Variants in SLC9A7 observed in about 807,000 individuals in gnomAD.
SLC9A7 encodes solute carrier family 9 member A7, also known as sodium/hydrogen exchanger 7.
In SLC9A7, 19 loss-of-function variants were observed where a neutral mutation model predicts 52.6. The observed-to-expected ratio is 0.36, with a 90% confidence interval of 0.25 to 0.53. The LOEUF (loss-of-function observed/expected upper bound fraction) is 0.53. Ranked by LOEUF, SLC9A7 falls within the 20% of genes least tolerant of loss-of-function variation. The pLI is 0.91. For synonymous variants in SLC9A7, 226 were observed against 252.1 expected, an observed-to-expected ratio of 0.90 and a Z score of 0.98; for missense variants, 455 against 597.9, an observed-to-expected ratio of 0.76 and a Z score of 2.49.
intron 11 of SLC9A7, among the ~76,000 whole-genome samples, chrX:46,647,628 G>C (rs1943514887): frequency 8.9e-6 from 1 of 112,880 alleles, no homozygotes; most frequent in Admixed American, 9.3e-5. Flanking sequence ...CGGACTGTGA[G>C]CTCCATGAAG....
intron 3 of SLC9A7, among the ~76,000 whole-genome samples, chrX:46,672,973 C>G (rs1022370695): frequency 8.0e-5 from 9 of 112,095 alleles, no homozygotes; most frequent in African/African-American, 2.9e-4. Flanking sequence ...AACCATTTTA[C>G]TCAGTGATAC....
At chrX:46,684,395 G>C (rs1358365513) in intron 1 of SLC9A7, among the ~76,000 whole-genome samples, 1 of 111,154 alleles carries the variant, frequency 9.0e-6, no homozygotes, top group Non-Finnish European at 1.9e-5. Context: ...AGTAGAGACG[G>C]GGTTTCACCA....
rs893153877 is a variant in SLC9A7 at position 46,599,938 on chromosome X, A to C, written c.*7014T>G. The C allele has an allele frequency of 1.8e-5, 2 of 112,091 alleles. No homozygotes were observed. The highest frequency in any genetic ancestry group is 9.5e-5 in the Admixed American group (1 of 10,525). 9.2% of individuals were successfully genotyped at this position (112,091 alleles called of 1,213,427 possible). The stretch of plus-strand genomic sequence containing the variant: ...AAGTTGCTTTTCAGCTATTAAATGA[A>C]TCTTTATGGCCTTCTCATTTAACCA... On this transcript the variant is annotated 3_prime_UTR_variant, in exon 17 of 17. Transcript: ENST00000616978.
Position 46,651,154 on chromosome X carries a change from A to T in SLC9A7, c.1306T>A (p.Phe436Ile). ...FSYMGLALFT[F>I]QKHVFSPIFI... ...ATGGGGCTGAAAACGTGCTTCTGGA[A>T]GGTAAACAGTGCCAGGCCCATGTAG... Residue 436 changes from phenylalanine (F) to isoleucine (I), a missense_variant, in exon 10 of 17, where the codon TTC becomes ATC. Phe to Ile is a conservative substitution (Grantham distance 21). Around this residue, in one of 3 missense-constraint regions of SLC9A7, gnomAD observed 304 missense variants for 417.8 expected, o/e 0.73. Transcript: ENST00000616978. 8.3e-7 allele frequency: 1 copy of T among 1,210,485 alleles called. No individual in the cohort carries two copies. Among genetic ancestry groups the T allele is most frequent in the Non-Finnish European group, 1.1e-6 (1 of 894,627 alleles).
rs772400694 is a variant in SLC9A7, at chrX:46,742,913, G to A, written c.325+15792C>T. ...AAAAGTTCTTAAAAATTAGCCGGGC[G>A]TGGTGGCATGCACCTGTAATCCCAA... is the stretch of plus-strand genomic sequence containing the variant. On this transcript the variant is annotated intron_variant, in intron 1 of 16. Coordinates refer to ENST00000616978, the MANE Select transcript of SLC9A7 (RefSeq NM_001257291.2). 5.7e-4 allele frequency among the ~76,000 whole-genome samples: 63 copies of A among 110,031 alleles called. 2 individuals are homozygous for A. The highest frequency in any genetic ancestry group is 1.3e-4 in the Non-Finnish European group (7 of 52,743).
At chrX:46,668,302 G>A (rs955568066) in intron 5 of SLC9A7, among the ~76,000 whole-genome samples, 7 of 111,562 alleles carry the variant, frequency 6.3e-5, no homozygotes, top group Non-Finnish European at 9.4e-5. Flanking sequence ...CTGAGGTTGG[G>A]AGTTTGAGAC....
chrX:46,683,490 C>T (rs910835398), intron 1 of SLC9A7, among the ~76,000 whole-genome samples: 44 of 111,548 alleles, frequency 3.9e-4, no homozygotes, highest in African/African-American at 1.4e-3. Context: ...GGAGAGCTGG[C>T]TTCTTGGGGC....
At chrX:46,748,041 C>T (rs1036607798) in intron 1 of SLC9A7, among the ~76,000 whole-genome samples, 3 of 111,533 alleles carry the variant, frequency 2.7e-5, no homozygotes, top group African/African-American at 9.8e-5. Context: ...CCTAGGTATA[C>T]AGCCAAAAGG....
At chrX:46,633,410 G>GTTTTGCACTTTTTTTCCCC (rs1482143769) in intron 13 of SLC9A7, among the ~76,000 whole-genome samples, 1 of 59,402 alleles carries the variant, frequency 1.7e-5, no homozygotes, top group East Asian at 5.9e-4. Context: ...CACAAATAAT[G>GTTTTGCACTTTTTTTCCCC]TTTTGCACTT....
chrX:46,708,826 C>T (rs966911642), intron 1 of SLC9A7, among the ~76,000 whole-genome samples: 11 of 111,330 alleles, frequency 9.9e-5, no homozygotes, highest in African/African-American at 3.6e-4. Context: ...TCAATGACAA[C>T]ATAAACAATT....
At chrX:46,696,489 G>C (rs1251882144) in intron 1 of SLC9A7, among the ~76,000 whole-genome samples, 1 of 111,823 alleles carries the variant, frequency 8.9e-6, no homozygotes, top group Non-Finnish European at 1.9e-5. Context: ...TCCTGTGAAA[G>C]TGATTAGATA....
At chrX:46,749,445 T>G (rs1242468355) in intron 1 of SLC9A7, among the ~76,000 whole-genome samples, 1 of 111,621 alleles carries the variant, frequency 9.0e-6, no homozygotes, top group East Asian at 2.8e-4. Flanking sequence ...ACATGAGAGC[T>G]GCACAGACCC....
rs1942745264 is a variant in SLC9A7 at position 46,606,498 on chromosome X, T to A, written c.*454A>T. On this transcript the variant is annotated 3_prime_UTR_variant, in exon 17 of 17. Coordinates refer to ENST00000616978, the MANE Select transcript of SLC9A7 (RefSeq NM_001257291.2). Reference sequence around the variant, plus strand: ...GTCCCATTTAACACCAAGTTTCCCATAATCCTTGGAGTTCCGATCTCAATT... The same window carrying A: ...GTCCCATTTAACACCAAGTTTCCCAAAATCCTTGGAGTTCCGATCTCAATT... The A allele has an allele frequency of 1.3e-6, 1 of 761,412 alleles. No individual in the cohort carries two copies. Among genetic ancestry groups the A allele is most frequent in the Non-Finnish European group, 1.6e-6 (1 of 643,747 alleles). The allele number at this position is 761,412 out of a possible 1,213,427, so 62.7% of individuals were successfully genotyped here. A position where few individuals can be genotyped will look rare whatever the true frequency, so the allele number is the denominator to read the frequency against.
chrX:46,617,229 A>G (rs1942967875), intron 15 of SLC9A7, among the ~76,000 whole-genome samples: 1 of 111,914 alleles, frequency 8.9e-6, no homozygotes, highest in Non-Finnish European at 1.9e-5. Flanking sequence ...GGTTAATTTC[A>G]GAAACCTTGT....
intron 5 of SLC9A7, among the ~76,000 whole-genome samples, chrX:46,666,105 GT>G (rs1358255662): frequency 3.6e-5 from 4 of 110,919 alleles, no homozygotes; most frequent in Non-Finnish European, 7.6e-5. Flanking sequence ...ACACTATAAA[GT>G]TTTTTGTTTC....
At chrX:46,653,292 G>A (rs1012059962) in intron 8 of SLC9A7, among the ~76,000 whole-genome samples, 4 of 111,248 alleles carry the variant, frequency 3.6e-5, no homozygotes, top group Non-Finnish European at 5.7e-5. Context: ...CTACTTGGGA[G>A]GGTGAAGGGG....
intron 12 of SLC9A7, among the ~76,000 whole-genome samples, chrX:46,638,387 G>T (rs1943354002): frequency 9.0e-6 from 1 of 111,247 alleles, no homozygotes; most frequent in Non-Finnish European, 1.9e-5. Context: ...TCAGACAGAA[G>T]GAAGGAAATT....
chrX:46,654,308 G>T (rs773272714), intron 7 of SLC9A7, among the ~76,000 whole-genome samples: 1 of 110,234 alleles, frequency 9.1e-6, no homozygotes, highest in Non-Finnish European at 1.9e-5. Flanking sequence ...AATTGAACCC[G>T]GCAGGCAGAG....
rs899914477 is a variant in SLC9A7 at position 46,705,095 on chromosome X, C to T, written c.326-22560G>A. ...CGTGAAGTATATTTCAGAGAAAGCC[C>T]TTAGCATGAGGTAGGAAAGTGCACA... On this transcript the variant is annotated intron_variant, in intron 1 of 16. Transcript: ENST00000616978. 2.7e-5 allele frequency among the ~76,000 whole-genome samples: 3 copies of T among 111,556 alleles called. 1 individual carries two copies. The highest frequency in any genetic ancestry group is 3.8e-5 in the Non-Finnish European group (2 of 53,135).
Sources: gnomAD v4.1 joint callset for allele counts (sites outside exome capture counted in the v4.1 genomes callset) on GRCh38, gnomAD v4.1.1 for gene constraint, gnomAD v4.1.1 regional missense constraint, MANE v1.5 for transcripts, NCBI Gene and HGNC (gene_info 2026-07-23, HGNC 2026-07-21) for gene names.